CCDC60: variants seen among roughly 807,000 people sequenced by gnomAD.
The protein encoded by CCDC60 is coiled-coil domain containing 60.
A neutral mutation model predicts 63.5 loss-of-function variants in CCDC60; 54 were observed. That is an observed-to-expected ratio of 0.85 (90% CI 0.68 to 1.07). CCDC60 has a LOEUF of 1.07. CCDC60 is among the 50% of genes least tolerant of loss of function. The pLI is 0.00. For synonymous variants in CCDC60, 206 were observed against 238.8 expected, an observed-to-expected ratio of 0.86 and a Z score of 1.27; for missense variants, 651 against 684.3, an observed-to-expected ratio of 0.95 and a Z score of 0.54.
chr12:119,450,868 A>AAAAGAGAG (rs112032535), intron 2 of CCDC60, among the ~76,000 whole-genome samples: 8 of 141,700 alleles, frequency 5.6e-5, no homozygotes, highest in East Asian at 2.2e-4. Context: ...AAAAAAAAAA[A>AAAAGAGAG]AGAGAGAGAG....
chr12:119,538,193 G>A (rs952291044), intron 13 of CCDC60, among the ~76,000 whole-genome samples: 1 of 152,230 alleles, frequency 6.6e-6, no homozygotes, highest in Non-Finnish European at 1.5e-5. Flanking sequence ...CTAGCAGTGA[G>A]CAATGCTCCA....
At chr12:119,448,908 C>T (rs1950585658) in intron 2 of CCDC60, among the ~76,000 whole-genome samples, 1 of 152,094 alleles carries the variant, frequency 6.6e-6, no homozygotes, top group South Asian at 2.1e-4. Context: ...TCTTACACAG[C>T]GTTACACAAA....
chr12:119,346,594 C>G (rs1036219658), intron 1 of CCDC60, among the ~76,000 whole-genome samples: 2 of 152,116 alleles, frequency 1.3e-5, no homozygotes, highest in African/African-American at 4.8e-5. Context: ...GGGAAAGTGC[C>G]AATTTTAGCT....
At chr12:119,357,264 T>C (rs1447563889) in intron 1 of CCDC60, among the ~76,000 whole-genome samples, 1 of 152,234 alleles carries the variant, frequency 6.6e-6, no homozygotes, top group Non-Finnish European at 1.5e-5. Flanking sequence ...AGTCCTCACT[T>C]CAAGCTATTT....
intron 1 of CCDC60, 136 bp downstream of exon 1, chr12:119,335,402 T>G: frequency 1.7e-6 from 1 of 575,974 alleles, no homozygotes; most frequent in African/African-American, 1.9e-5. Context: ...TGAACTAGTT[T>G]ACAGTCCCAC....
Position 119,534,873 on chromosome 12 carries a change from ATTCTCTTT to A in CCDC60, c.1551+3813_1551+3820del, listed in dbSNP as rs1479570902. On this transcript the variant is annotated intron_variant, in intron 13 of 13. Transcript: ENST00000327554. ...GTTCATCAGGGATATTGGTCTAAAA[ATTCTCTTT>A]TTTTGTTTTGTCTCTGTCAGGCTTT... Among the ~76,000 whole-genome samples the A allele has an allele frequency of 5.3e-5, 8 of 152,242 alleles. No homozygotes were observed. In the East Asian group the frequency reaches 1.5e-3, roughly 29 times the overall value.
chr12:119,417,843 C>T (rs1956730514), intron 1 of CCDC60, among the ~76,000 whole-genome samples: 1 of 152,180 alleles, frequency 6.6e-6, no homozygotes, highest in African/African-American at 2.4e-5. Context: ...AAGCTCCCAC[C>T]CTGAATGTCA....
intron 7 of CCDC60, among the ~76,000 whole-genome samples, chr12:119,505,923 G>A (rs1055362817): frequency 7.3e-5 from 11 of 151,346 alleles, no homozygotes; most frequent in African/African-American, 2.7e-4. Context: ...TGTAACCAAT[G>A]TAAAAATTAT....
At chr12:119,516,485 A>AC (rs1952357666) in intron 7 of CCDC60, 138 bp from the exon 8 acceptor site, 1 of 611,404 alleles carries the variant, frequency 1.6e-6, no homozygotes, top group Non-Finnish European at 2.9e-6. Flanking sequence ...CCTCTTCTGG[A>AC]CCCCAGTGGA....
intron 2 of CCDC60, among the ~76,000 whole-genome samples, chr12:119,430,594 G>T (rs1950211688): frequency 6.8e-6 from 1 of 147,410 alleles, no homozygotes. Flanking sequence ...GTGAACCCAG[G>T]AGGCGGAACT....
intron 2 of CCDC60, among the ~76,000 whole-genome samples, chr12:119,446,432 G>A (rs933812721): frequency 6.6e-6 from 1 of 152,204 alleles, no homozygotes; most frequent in Non-Finnish European, 1.5e-5. Context: ...TATGCTCAAG[G>A]GTGAATGTCG....
In CCDC60 at chr12:119,420,409, G is replaced by A. The variant is rs962430189; in HGVS notation, c.91-8274G>A. Among the ~76,000 whole-genome samples, 2 of 152,176 alleles carry A rather than the reference G, an allele frequency of 1.3e-5. No individual in the cohort carries two copies. Among genetic ancestry groups the A allele is most frequent in the African/African-American group, 2.4e-5 (1 of 41,438 alleles). On this transcript the variant is annotated intron_variant, in intron 1 of 13. Coordinates refer to ENST00000327554, the MANE Select transcript of CCDC60 (RefSeq NM_178499.5). The surrounding 1 kb of genome is among the most constrained non-coding windows in gnomAD (Gnocchi z 4.1). ...GAGATCCAGTTATTTGCAACAACAT[G>A]GATGGAACTGGAGATCATTATGTTA...
At chr12:119,339,866 G>A (rs1327717724) in intron 1 of CCDC60, among the ~76,000 whole-genome samples, 1 of 152,042 alleles carries the variant, frequency 6.6e-6, no homozygotes, top group African/African-American at 2.4e-5. Context: ...CTCCAGCTGG[G>A]GTGTCAGAGC....
chr12:119,462,602 A>T (rs1477909271), intron 2 of CCDC60, among the ~76,000 whole-genome samples: 2 of 152,156 alleles, frequency 1.3e-5, no homozygotes, highest in African/African-American at 4.8e-5. Context: ...CAAAAAGGTA[A>T]ATGACCGAGA....
intron 5 of CCDC60, 120 bp downstream of exon 5, chr12:119,488,986 C>T: frequency 1.3e-6 from 1 of 772,754 alleles, no homozygotes; most frequent in South Asian, 1.6e-5. Context: ...TTCAGTTCCT[C>T]TTCTATGTGC....
intron 1 of CCDC60, among the ~76,000 whole-genome samples, chr12:119,395,514 C>T (rs959009311): frequency 2.0e-5 from 3 of 152,212 alleles, no homozygotes; most frequent in African/African-American, 4.8e-5. Context: ...AACTCACTAT[C>T]ATGAGAACGG....
intron 1 of CCDC60, among the ~76,000 whole-genome samples, chr12:119,389,822 A>G (rs896428704): frequency 6.6e-6 from 1 of 152,114 alleles, no homozygotes; most frequent in Non-Finnish European, 1.5e-5. Context: ...CAAGCTTGCC[A>G]TTCATTTGGG....
intron 1 of CCDC60, among the ~76,000 whole-genome samples, chr12:119,361,897 AT>A (rs1955794777): frequency 6.6e-6 from 1 of 152,252 alleles, no homozygotes; most frequent in Admixed American, 6.5e-5. Context: ...AAAGATGGCC[AT>A]TGTGCATAGT....
At chr12:119,506,448 A>T (rs865801144) in intron 7 of CCDC60, among the ~76,000 whole-genome samples, 1 of 149,462 alleles carries the variant, frequency 6.7e-6, no homozygotes, top group South Asian at 2.2e-4. Flanking sequence ...CAAAAAAAAA[A>T]AAAAAAAAAA....
Sources: allele counts gnomAD v4.1 joint callset (sites outside exome capture counted in the v4.1 genomes callset), GRCh38; gene constraint gnomAD v4.1.1; non-coding constraint Gnocchi (gnomAD v3.1); transcripts MANE v1.5; gene names NCBI Gene and HGNC (gene_info 2026-07-23, HGNC 2026-07-21).